The following SOX6 variants were observed in gnomAD, a reference collection of about 807,000 sequenced individuals.
The protein encoded by SOX6 is SRY-box transcription factor 6.
SOX6 carries 11 observed loss-of-function variants against 97.8 expected under a neutral mutation model. The ratio of observed to expected loss-of-function variants is 0.11; its 90% CI spans 0.07 to 0.19. The LOEUF is 0.19. Ranked by LOEUF, SOX6 falls within the 10% of genes least tolerant of loss-of-function variation. The pLI is 1.00. For missense variants in SOX6, 810 were observed against 1,039.5 expected (o/e 0.78, Z 3.04); for synonymous variants, 360 against 371.4 (o/e 0.97, Z 0.35).
At chr11:16,596,568 A>G (rs1280303157) in intron 4 of SOX6, among the ~76,000 whole-genome samples, 2 of 152,196 alleles carry the variant, frequency 1.3e-5, no homozygotes, top group Non-Finnish European at 2.9e-5. Flanking sequence ...ATCAAAGGCC[A>G]TCTCCTACTA....
intron 1 of SOX6, among the ~76,000 whole-genome samples, chr11:16,433,078 T>C (rs904971173): frequency 6.6e-6 from 1 of 151,982 alleles, no homozygotes; most frequent in African/African-American, 2.4e-5. Context: ...TATAGAAACC[T>C]CTCGAACCAG....
At chr11:16,085,935 A>G (rs1240007316) in intron 9 of SOX6, among the ~76,000 whole-genome samples, 1 of 152,224 alleles carries the variant, frequency 6.6e-6, no homozygotes, top group Non-Finnish European at 1.5e-5. Context: ...TCAGTGTGAT[A>G]AAGGGAAACA....
chr11:16,457,877 C>A (rs1225574839), intron 1 of SOX6, among the ~76,000 whole-genome samples: 2 of 151,996 alleles, frequency 1.3e-5, no homozygotes, highest in African/African-American at 4.8e-5. Context: ...CCAATGTTAT[C>A]ATGTATATTA....
In SOX6 at chr11:16,570,286, A is replaced by G. The variant is rs531197996; in HGVS notation, n.609+41795T>C. ...TTATTTTCTATCCCCATGAGACCTG[A>G]CATACAGTCAGCAGCTAATAAATAT... On this transcript the variant is annotated intron_variant and non_coding_transcript_variant, in intron 4 of 5. Coordinates refer to the SOX6 transcript ENST00000524520. Among the ~76,000 whole-genome samples the G allele has an allele frequency of 6.1e-4, 93 of 152,292 alleles. 1 individual carries two copies. Among genetic ancestry groups the G allele is most frequent in the Middle Eastern group, 6.8e-3 (2 of 294 alleles).
chr11:16,489,228 AG>A (rs755494420), intron 4 of SOX6, among the ~76,000 whole-genome samples: 5 of 152,168 alleles, frequency 3.3e-5, no homozygotes, highest in Non-Finnish European at 4.4e-5. Flanking sequence ...AGCAAAAAAA[AG>A]TATGCAGTTC....
chr11:16,565,266 T>C (rs187068561), intron 4 of SOX6, among the ~76,000 whole-genome samples: 9 of 152,260 alleles, frequency 5.9e-5, no homozygotes, highest in African/African-American at 1.9e-4. Flanking sequence ...TGAAATGACA[T>C]AGTTAATTTG....
chr11:16,639,973 T>A (rs1359727626), intron 3 of SOX6, among the ~76,000 whole-genome samples: 2 of 152,172 alleles, frequency 1.3e-5, no homozygotes, highest in Non-Finnish European at 2.9e-5. Flanking sequence ...AGAGAGGGCA[T>A]CCCTGTCTTG....
chr11:16,144,770 G>T (rs1473996847), intron 6 of SOX6, among the ~76,000 whole-genome samples: 1 of 152,068 alleles, frequency 6.6e-6, no homozygotes, highest in Non-Finnish European at 1.5e-5. Context: ...TAAATTCCTC[G>T]ACACATACAC....
At chr11:16,030,630 G>C (rs1855345538) in intron 12 of SOX6, among the ~76,000 whole-genome samples, 1 of 152,108 alleles carries the variant, frequency 6.6e-6, no homozygotes, top group Non-Finnish European at 1.5e-5. Context: ...CTAACTCATA[G>C]TGTTTTGATC....
Position 16,379,769 on chromosome 11 carries a change from G to T in SOX6, c.-4-38517C>A, listed in dbSNP as rs568501962. 4.5e-4 allele frequency among the ~76,000 whole-genome samples: 69 copies of T among 152,006 alleles called. 1 individual carries two copies. The highest frequency in any genetic ancestry group is 1.5e-3 in the African/African-American group (64 of 41,398). ...TTAAACTAAAGAAATAATTACAGAT[G>T]TGTGCAAAGATTTAGCTACAGATGA... is the stretch of plus-strand genomic sequence containing the variant. On this transcript the variant is annotated intron_variant, in intron 1 of 15. Transcript: ENST00000396356.
intron 14 of SOX6, among the ~76,000 whole-genome samples, chr11:15,988,413 A>G (rs1185345079): frequency 6.6e-6 from 1 of 152,218 alleles, no homozygotes; most frequent in Non-Finnish European, 1.5e-5. Context: ...CACTGCTATG[A>G]AATTTGAACT....
chr11:16,363,189 A>T (rs995117812), intron 1 of SOX6, among the ~76,000 whole-genome samples: 1 of 152,182 alleles, frequency 6.6e-6, no homozygotes, highest in African/African-American at 2.4e-5. Flanking sequence ...GTAGAAGGAC[A>T]ATTTGAGCAT....
chr11:16,660,833 A>AG (rs1210851749), intron 3 of SOX6, among the ~76,000 whole-genome samples: 1 of 152,234 alleles, frequency 6.6e-6, no homozygotes, highest in African/African-American at 2.4e-5. Flanking sequence ...CAAATATGCT[A>AG]GTGCCTTGAT....
intron 1 of SOX6, among the ~76,000 whole-genome samples, chr11:16,401,322 T>C (rs1037680166): frequency 1.3e-5 from 2 of 151,430 alleles, no homozygotes; most frequent in African/African-American, 4.8e-5. Context: ...GTTTGTTGTT[T>C]GTTTTTGACA....
At chr11:16,349,661 AGAGG>A (rs1325728812) in intron 1 of SOX6, among the ~76,000 whole-genome samples, 2 of 66,184 alleles carry the variant, frequency 3.0e-5, no homozygotes, top group South Asian at 7.5e-4. Flanking sequence ...CAGAAGAAAG[AGAGG>A]GAGGGAGGGA....
chr11:16,339,504 A>G (rs1191224374), intron 2 of SOX6, among the ~76,000 whole-genome samples: 2 of 152,068 alleles, frequency 1.3e-5, no homozygotes, highest in African/African-American at 4.8e-5. Context: ...TCCTTGGCTC[A>G]GTGAGGGCAT....
At chr11:16,735,369 C>A (rs1047082190) in intron 2 of SOX6, among the ~76,000 whole-genome samples, 1 of 152,178 alleles carries the variant, frequency 6.6e-6, no homozygotes, top group Non-Finnish European at 1.5e-5. Context: ...AGCTCAAAAA[C>A]TTTTGGGAAA....
At chr11:16,040,467 C>G (rs1855631837) in intron 12 of SOX6, among the ~76,000 whole-genome samples, 2 of 151,956 alleles carry the variant, frequency 1.3e-5, no homozygotes, top group South Asian at 4.1e-4. Flanking sequence ...AATGTAAAAT[C>G]CAACATTAAT....
At chr11:16,407,455 A>G (rs1040571696) in intron 1 of SOX6, among the ~76,000 whole-genome samples, 1 of 152,162 alleles carries the variant, frequency 6.6e-6, no homozygotes, top group Non-Finnish European at 1.5e-5. Flanking sequence ...ATGAATGAGG[A>G]AAGTATCCAC....
Sources: allele counts gnomAD v4.1 joint callset (sites outside exome capture counted in the v4.1 genomes callset), GRCh38; gene constraint gnomAD v4.1.1; transcripts MANE v1.5; gene names NCBI Gene and HGNC (gene_info 2026-07-23, HGNC 2026-07-21).